The following PDE7B variants were observed in gnomAD, a reference collection of about 807,000 sequenced individuals.
PDE7B encodes the protein 3',5'-cyclic-AMP phosphodiesterase 7B.
PDE7B carries 29 observed loss-of-function variants against 56.2 expected under a neutral mutation model. The observed-to-expected ratio is 0.52, with a 90% CI of 0.38 to 0.70. PDE7B has a LOEUF of 0.70. Among genes scored for constraint, PDE7B ranks in the 30% least tolerant of loss-of-function variants. PDE7B has a pLI of 0.00. For missense variants in PDE7B, 490 were observed against 565.0 expected (o/e 0.87, Z 1.35); for synonymous variants, 197 against 196.9 (o/e 1.00, Z 0.00).
intron 2 of PDE7B, among the ~76,000 whole-genome samples, chr6:135,975,554 T>C (rs114988666): frequency 0.03 from 4,608 of 152,186 alleles, 205 homozygotes; most frequent in African/African-American, 0.099. Flanking sequence ...AATGTGTGCA[T>C]ATTTGGGTTT....
At chr6:135,881,696 C>T (rs6570049) in intron 1 of PDE7B, among the ~76,000 whole-genome samples, 27,433 of 152,186 alleles carry the variant, frequency 0.18, 5,271 homozygotes, top group African/African-American at 0.48. Context: ...GCAACTTGTA[C>T]AGACATCAGA....
rs1331567535 is a variant in PDE7B at position 136,195,554 on chromosome 6, G to C, written c.*3714G>C. On this transcript the variant is annotated 3_prime_UTR_variant, in exon 13 of 13. Transcript: ENST00000308191. ...GTCTAGATGAACAAATAAAAATAAA[G>C]ATAATTTCTTTAAAATATCACAAGA... 2.1e-5 allele frequency: 3 copies of C among 141,808 alleles called. No individual in the cohort carries two copies. The highest frequency in any genetic ancestry group is 1.4e-4 in the Admixed American group (2 of 13,916). The allele number at this position is 141,808 out of a possible 1,614,324, so 8.8% of individuals were successfully genotyped here.
chr6:136,076,192 C>T (rs1030332310), intron 2 of PDE7B, among the ~76,000 whole-genome samples: 1 of 152,114 alleles, frequency 6.6e-6, no homozygotes, highest in African/African-American at 2.4e-5. Flanking sequence ...CTGATGCAGC[C>T]GGGCATGGTG....
At chr6:136,183,595 CAAAAAAAAAA>C (rs59123124) in intron 11 of PDE7B, among the ~76,000 whole-genome samples, 3 of 66,210 alleles carry the variant, frequency 4.5e-5, no homozygotes, top group South Asian at 6.0e-4. Flanking sequence ...GACTCTGTCT[CAAAAAAAAAA>C]AAAAAAAGAA....
At chr6:136,081,889 C>T (rs969505283) in intron 2 of PDE7B, among the ~76,000 whole-genome samples, 2 of 152,170 alleles carry the variant, frequency 1.3e-5, no homozygotes, top group Non-Finnish European at 2.9e-5. Context: ...TCATACATTT[C>T]AGCAGTGGTC....
chr6:135,937,845 A>G (rs1450710087), intron 1 of PDE7B, among the ~76,000 whole-genome samples: 1 of 152,176 alleles, frequency 6.6e-6, no homozygotes, highest in Non-Finnish European at 1.5e-5. Context: ...TCTTCCCCTC[A>G]TAAAACCCCA....
chr6:136,108,117 C>T (rs571368201), intron 2 of PDE7B, among the ~76,000 whole-genome samples: 1 of 104,822 alleles, frequency 9.5e-6, no homozygotes, highest in South Asian at 3.5e-4. Flanking sequence ...CAAAGCGAGA[C>T]TCCATGTCAA....
intron 2 of PDE7B, 102 bp downstream of exon 2, chr6:135,947,626 C>A (rs1347669324): frequency 2.5e-6 from 2 of 799,348 alleles, no homozygotes; most frequent in Non-Finnish European, 4.4e-6. Context: ...TTTGAAGAGG[C>A]TGATAGGTTC....
At chr6:136,180,691 G>A (rs943859761) in intron 10 of PDE7B, among the ~76,000 whole-genome samples, 2 of 152,240 alleles carry the variant, frequency 1.3e-5, no homozygotes, top group African/African-American at 4.8e-5. Flanking sequence ...CCAGTGTGAG[G>A]CAAGTCAAGA....
chr6:136,143,619 G>GA (rs1277013025), intron 3 of PDE7B, among the ~76,000 whole-genome samples: 3 of 150,654 alleles, frequency 2.0e-5, no homozygotes, highest in East Asian at 1.9e-4. Flanking sequence ...GACTCTAGGT[G>GA]AAGAAAAATA....
intron 2 of PDE7B, among the ~76,000 whole-genome samples, chr6:136,105,711 G>A (rs999519524): frequency 1.3e-5 from 2 of 152,142 alleles, no homozygotes; most frequent in African/African-American, 4.8e-5. Flanking sequence ...GATTCATCCA[G>A]GGTTACCCAA....
chr6:135,930,775 G>A (rs755680749), intron 1 of PDE7B, among the ~76,000 whole-genome samples: 15 of 152,146 alleles, frequency 9.9e-5, no homozygotes, highest in African/African-American at 1.9e-4. Context: ...TTCAGCTTCC[G>A]TATATCTTAA....
intron 2 of PDE7B, among the ~76,000 whole-genome samples, chr6:136,005,966 C>T (rs1218137394): frequency 2.0e-5 from 3 of 151,826 alleles, no homozygotes; most frequent in African/African-American, 7.3e-5. Context: ...AAATGTCCAA[C>T]AATGATAGAC....
chr6:135,908,718 A>G (rs1171586788), intron 1 of PDE7B, among the ~76,000 whole-genome samples: 1 of 152,242 alleles, frequency 6.6e-6, no homozygotes, highest in Non-Finnish European at 1.5e-5. Flanking sequence ...AGAAGGAAGC[A>G]CAAGTATCCA....
At chr6:136,032,891 G>T (rs549989647) in intron 2 of PDE7B, among the ~76,000 whole-genome samples, 1 of 152,130 alleles carries the variant, frequency 6.6e-6, no homozygotes, top group African/African-American at 2.4e-5. Flanking sequence ...TATAGATAAG[G>T]CCCCAAATTT....
At chr6:135,874,286 G>T (rs563025990) in intron 1 of PDE7B, among the ~76,000 whole-genome samples, 1 of 152,006 alleles carries the variant, frequency 6.6e-6, no homozygotes, top group Non-Finnish European at 1.5e-5. Flanking sequence ...TTGGTCTAAT[G>T]GTTTTCTTTC....
intron 7 of PDE7B, among the ~76,000 whole-genome samples, chr6:136,155,135 TAC>T (rs1778583503): frequency 6.6e-6 from 1 of 152,264 alleles, no homozygotes; most frequent in African/African-American, 2.4e-5. Flanking sequence ...CACTATTTAT[TAC>T]ACATTGAAAA....
At chr6:136,024,220 C>T (rs1776114515) in intron 2 of PDE7B, among the ~76,000 whole-genome samples, 1 of 152,166 alleles carries the variant, frequency 6.6e-6, no homozygotes, top group Non-Finnish European at 1.5e-5. Flanking sequence ...AGAAATGGAT[C>T]CGGAGAATTT....
chr6:136,081,361 A>T (rs918728311), intron 2 of PDE7B, among the ~76,000 whole-genome samples: 2 of 152,192 alleles, frequency 1.3e-5, no homozygotes, highest in Non-Finnish European at 1.5e-5. Context: ...AATTTTCAAG[A>T]TCTGATGACC....
Sources: gnomAD v4.1 joint callset for allele counts (sites outside exome capture counted in the v4.1 genomes callset) on GRCh38, gnomAD v4.1.1 for gene constraint, MANE v1.5 for transcripts, NCBI Gene and HGNC (gene_info 2026-07-23, HGNC 2026-07-21) for gene names.